TBC1D2: variants seen among roughly 807,000 people sequenced by gnomAD.
The protein encoded by TBC1D2 is TBC1 domain family member 2A.
Under a neutral mutation model 91.1 loss-of-function variants are expected in TBC1D2, and 58 were observed. That is an observed-to-expected ratio of 0.64 (90% CI 0.52 to 0.79). The LOEUF (loss-of-function observed/expected upper bound fraction) is 0.79. TBC1D2 is among the 30% of genes least tolerant of loss of function. The probability of loss-of-function intolerance (pLI) is 0.00; values close to 1 mark genes in which losing one functional copy is unlikely to be tolerated. For missense variants in TBC1D2, 1,080 were observed against 1,208.3 expected (o/e 0.89, Z 1.57); for synonymous variants, 482 against 511.5 (o/e 0.94, Z 0.78).
chr9:98,254,736 A>G (rs1381134518), intron 1 of TBC1D2, among the ~76,000 whole-genome samples: 1 of 152,222 alleles, frequency 6.6e-6, no homozygotes, highest in Non-Finnish European at 1.5e-5. Context: ...AAATATCAAG[A>G]AACGGGAATC....
rs1481254274 is a variant in TBC1D2, at chr9:98,202,110, G to T, written c.2272-446C>A. On this transcript the variant is annotated intron_variant, in intron 10 of 12. Transcript: ENST00000465784. ...ACAGCCCCTTCTCTATACCCAATTTGTGCCTGACACCTAAGATGCTAGGCG... is the reference window on the plus strand; with the variant it reads ...ACAGCCCCTTCTCTATACCCAATTTTTGCCTGACACCTAAGATGCTAGGCG... 3.3e-5 allele frequency among the ~76,000 whole-genome samples: 5 copies of T among 152,290 alleles called. No individual in the cohort carries two copies. In the South Asian group the frequency reaches 1.0e-3, roughly 32 times the overall value.
At chr9:98,205,821 CA>C (rs1828636952) in intron 9 of TBC1D2, among the ~76,000 whole-genome samples, 1 of 152,164 alleles carries the variant, frequency 6.6e-6, no homozygotes. Flanking sequence ...CTCGGCCCCT[CA>C]AAATGCGGGA....
chr9:98,211,948 C>T (rs1828853108), intron 7 of TBC1D2, among the ~76,000 whole-genome samples: 1 of 152,092 alleles, frequency 6.6e-6, no homozygotes. Flanking sequence ...CAGGTGTGCA[C>T]CACCACGCCC....
At chr9:98,200,198 T>A in intron 12 of TBC1D2, 55 bp downstream of exon 12, 6 of 1,604,614 alleles carry the variant, frequency 3.7e-6, no homozygotes, top group Non-Finnish European at 5.1e-6. Context: ...CCCTCTGCTA[T>A]GTGTCCTTGG....
intron 5 of TBC1D2, among the ~76,000 whole-genome samples, chr9:98,225,819 A>G (rs1005563346): frequency 1.3e-5 from 2 of 152,240 alleles, no homozygotes; most frequent in Non-Finnish European, 2.9e-5. Flanking sequence ...TTTGTCTGCA[A>G]TGTGCTCTCA....
intron 12 of TBC1D2, 46 bp from the exon 13 acceptor site, chr9:98,199,634 C>T: frequency 6.2e-7 from 1 of 1,602,032 alleles, no homozygotes; most frequent in Non-Finnish European, 8.5e-7. Context: ...CCCCACCTGG[C>T]CGGCGTTTAC....
intron 5 of TBC1D2, among the ~76,000 whole-genome samples, chr9:98,223,260 G>A (rs1329987886): frequency 6.6e-6 from 1 of 152,242 alleles, no homozygotes; most frequent in Non-Finnish European, 1.5e-5. Flanking sequence ...CGAGCAGCAG[G>A]TGGGAGATGA....
At chr9:98,232,091 T>C (rs1829382004) in intron 4 of TBC1D2, among the ~76,000 whole-genome samples, 4 of 152,154 alleles carry the variant, frequency 2.6e-5, no homozygotes. Flanking sequence ...TCTGAGGATA[T>C]ACAGAAAGCC....
chr9:98,200,209 G>A, intron 12 of TBC1D2, 44 bp downstream of exon 12: 1 of 1,610,726 alleles, frequency 6.2e-7, no homozygotes, highest in South Asian at 1.1e-5. Context: ...GTGTCCTTGG[G>A]GGTGTGTGAG....
chr9:98,251,801 G>C lies in TBC1D2; in HGVS notation c.495C>G (p.Val165=), dbSNP rs907080129. The change falls in exon 2 of 13, where the codon GTC becomes GTG. Residue 165 remains valine, a synonymous_variant. Transcript: ENST00000465784. ...PDAALAGNGP[V]LHLELGQEEA... is the part of the protein sequence containing the mutation. The stretch of plus-strand genomic sequence containing the variant: ...ATTGGGTACCTAGCTCGAGGTGCAG[G>C]ACGGGCCCATTCCCAGCCAGGGCGG... 1.9e-6 allele frequency: 3 copies of C among 1,601,004 alleles called. No homozygotes were observed. The highest frequency in any genetic ancestry group is 2.6e-6 in the Non-Finnish European group (3 of 1,174,546).
chr9:98,237,711 T>G (rs1829542340), intron 3 of TBC1D2, among the ~76,000 whole-genome samples: 1 of 151,386 alleles, frequency 6.6e-6, no homozygotes, highest in African/African-American at 2.4e-5. Context: ...GGCAAACTTT[T>G]TTTATTCTTC....
chr9:98,227,889 C>T (rs1240333578), intron 5 of TBC1D2, among the ~76,000 whole-genome samples: 2 of 151,922 alleles, frequency 1.3e-5, no homozygotes, highest in East Asian at 1.9e-4. Flanking sequence ...AAAAGGCAGA[C>T]GAGGGGCCAA....
intron 10 of TBC1D2, 76 bp from the exon 11 acceptor site, chr9:98,201,740 C>T (rs1828510808): frequency 7.0e-7 from 1 of 1,434,782 alleles, no homozygotes; most frequent in African/African-American, 1.4e-5. Context: ...GCCTTCCTAC[C>T]CAGTCAGTCC....
chr9:98,244,242 T>C, intron 2 of TBC1D2, 113 bp from the exon 3 acceptor site: 2 of 1,417,892 alleles, frequency 1.4e-6, no homozygotes, highest in East Asian at 2.4e-5. Context: ...AGTTGGAGAG[T>C]TGCAGGGGCA....
At chr9:98,226,336 C>T (rs998193171) in intron 5 of TBC1D2, among the ~76,000 whole-genome samples, 1 of 152,206 alleles carries the variant, frequency 6.6e-6, no homozygotes, top group Admixed American at 6.5e-5. Context: ...CAGGGCACCT[C>T]ACTGCTTGTA....
intron 3 of TBC1D2, among the ~76,000 whole-genome samples, chr9:98,237,113 G>GA (rs1390635806): frequency 1.3e-5 from 2 of 152,060 alleles, no homozygotes; most frequent in African/African-American, 4.8e-5. Context: ...AAGGCGAGTG[G>GA]ATTGCTTGAG....
At chr9:98,214,539 C>T (rs1347958158) in intron 6 of TBC1D2, among the ~76,000 whole-genome samples, 24 of 89,628 alleles carry the variant, frequency 2.7e-4, no homozygotes, top group African/African-American at 1.0e-3. Flanking sequence ...ATGACTCCGA[C>T]GTGGCCAGGT....
chr9:98,220,711 T>C, intron 6 of TBC1D2, 122 bp downstream of exon 6: 1 of 1,242,634 alleles, frequency 8.0e-7, no homozygotes, highest in East Asian at 2.4e-5. Flanking sequence ...AATGTGAATA[T>C]TCTAGGATGA....
chr9:98,235,448 A>T, intron 3 of TBC1D2: 1 of 481,024 alleles, frequency 2.1e-6, no homozygotes, highest in South Asian at 1.6e-5. Flanking sequence ...CTAATTGAAA[A>T]AATGAATGTC....
Sources: allele counts gnomAD v4.1 joint callset (sites outside exome capture counted in the v4.1 genomes callset), GRCh38; gene constraint gnomAD v4.1.1; transcripts MANE v1.5; gene names NCBI Gene and HGNC (gene_info 2026-07-23, HGNC 2026-07-21).